ZNF844: variants seen among roughly 807,000 people sequenced by gnomAD.
ZNF844 encodes zinc finger protein 844.
ZNF844 carries 11 observed loss-of-function variants against 11.4 expected under a neutral mutation model. The observed-to-expected ratio is 0.97, with a 90% CI of 0.61 to 1.60. The LOEUF is 1.60. Ranked by LOEUF, ZNF844 falls within the 40% of genes most tolerant of loss-of-function variation. The pLI, the probability that ZNF844 is intolerant of heterozygous loss-of-function variation, is 0.00. For missense variants in ZNF844, 790 were observed against 796.8 expected, an observed-to-expected ratio of 0.99 and a Z score of 0.10; for synonymous variants, 248 against 260.3, an observed-to-expected ratio of 0.95 and a Z score of 0.46.
At chr19:12,068,255 G>T (rs1387560694) in intron 1 of ZNF844, among the ~76,000 whole-genome samples, 3 of 152,096 alleles carry the variant, frequency 2.0e-5, no homozygotes, top group African/African-American at 7.2e-5. Flanking sequence ...GCTGCAGTGA[G>T]GCATGATCAT....
intron 3 of ZNF844, 113 bp from the exon 4 acceptor site, chr19:12,075,199 A>G (rs1469205981): frequency 1.3e-6 from 1 of 760,744 alleles, no homozygotes; most frequent in Non-Finnish European, 1.7e-6. Context: ...AACTTAAAGT[A>G]TATTAATAAT....
rs181157360 is a variant in ZNF844, at chr19:12,077,015, C to A, written c.1895C>A (p.Thr632Lys). The change falls in exon 4 of 4, where the codon ACA becomes AAA. Residue 632 changes from threonine (T) to lysine (K), a missense_variant. Coordinates refer to ENST00000439326, the MANE Select transcript of ZNF844 (RefSeq NM_001136501.3). ...ATTATTTTTCTTCTTTGCGTATACACAAAAGGATGCACACTGGAGAGAAAC... is the reference window on the plus strand; with the variant it reads ...ATTATTTTTCTTCTTTGCGTATACAAAAAAGGATGCACACTGGAGAGAAAC... ...RSIIFLLCVYTKGCTLERNHI... is the reference protein window; with the variant it reads ...RSIIFLLCVYKKGCTLERNHI... The A allele has an allele frequency of 5.0e-6, 8 of 1,594,484 alleles. 1 individual carries two copies. In the East Asian group the frequency reaches 1.8e-4, roughly 37 times the overall value.
At position 12,075,300 on chromosome 19, in the gene ZNF844, C is replaced by G. The variant is rs569533517; in HGVS notation, c.192-12C>G. ...AACAAACCTTCAATAATGTGTTTCTCATTTTTCACAGAAGTCTTCTGGGAG... is the reference window on the plus strand; with the variant it reads ...AACAAACCTTCAATAATGTGTTTCTGATTTTTCACAGAAGTCTTCTGGGAG... On this transcript the variant is annotated splice_polypyrimidine_tract_variant and intron_variant, in intron 3 of 3. Transcript: ENST00000439326. 9.4e-6 allele frequency: 13 copies of G among 1,383,240 alleles called. No homozygotes were observed. Among genetic ancestry groups the G allele is most frequent in the African/African-American group, 8.8e-5 (6 of 68,150 alleles). 85.7% of individuals were successfully genotyped at this position (1,383,240 alleles called of 1,614,324 possible). A position where few individuals can be genotyped will look rare whatever the true frequency, so the allele number is the denominator to read the frequency against.
In ZNF844 at chr19:12,069,178, C is replaced by CGTTTTTTTTTTTTTTTTTTTT. The variant is rs760998604; in HGVS notation, c.3+4302_3+4303insGTTTTTTTTTTTTTTTTTTTT. 7.3e-5 allele frequency among the ~76,000 whole-genome samples: 10 copies of CGTTTTTTTTTTTTTTTTTTTT among 137,478 alleles called. 2 individuals are homozygous for CGTTTTTTTTTTTTTTTTTTTT. Among genetic ancestry groups the CGTTTTTTTTTTTTTTTTTTTT allele is most frequent in the African/African-American group, 1.5e-4 (5 of 33,358 alleles). The allele number at this position is 137,478 out of a possible 152,430, so 90.2% of individuals were successfully genotyped here. A position where few individuals can be genotyped will look rare whatever the true frequency, so the allele number is the denominator to read the frequency against. ...TGACTTTTCTTTTTATTCTTTTATT[C>CGTTTTTTTTTTTTTTTTTTTT]CTTTTTTTTTTTTTTTTTTTTTGAG... On this transcript the variant is annotated intron_variant, in intron 1 of 3. Transcript: ENST00000439326.
Position 12,075,808 on chromosome 19 carries a change from T to C in ZNF844, c.688T>C (p.Cys230Arg), listed in dbSNP as rs148745216. ...TGEKPYKCKQ[C>R]GKAFSYSTSL... Reference sequence around the variant, plus strand: ...AGAGAAACCATATAAATGTAAACAATGTGGTAAAGCCTTTAGTTATTCAAC... The same window carrying C: ...AGAGAAACCATATAAATGTAAACAACGTGGTAAAGCCTTTAGTTATTCAAC... Residue 230 changes from cysteine (C) to arginine (R), a missense_variant, in exon 4 of 4, where the codon TGT becomes CGT. This residue lies in a region of ZNF844 where 657 missense variants were observed against 636.2 expected (regional missense o/e 1.03). Coordinates refer to ENST00000439326, the MANE Select transcript of ZNF844 (RefSeq NM_001136501.3). 9.3e-6 allele frequency: 15 copies of C among 1,611,746 alleles called. No individual in the cohort carries two copies. Among genetic ancestry groups the C allele is most frequent in the Middle Eastern group, 1.7e-4 (1 of 6,054 alleles).
Position 12,081,559 on chromosome 19 carries a change from A to G in ZNF844, c.*4438A>G, listed in dbSNP as rs532289421. ...GCTATATTAAAATATGTATTAGATC[A>G]AGTTCATAATGTTGCCAAGTTATTG... On this transcript the variant is annotated 3_prime_UTR_variant, in exon 4 of 4. Coordinates refer to ENST00000439326, the MANE Select transcript of ZNF844 (RefSeq NM_001136501.3). The G allele has an allele frequency of 1.2e-4, 18 of 152,348 alleles. No individual in the cohort carries two copies. The highest frequency in any genetic ancestry group is 4.3e-4 in the African/African-American group (18 of 41,584). 9.4% of individuals were successfully genotyped at this position (152,348 alleles called of 1,614,324 possible). A position where few individuals can be genotyped will look rare whatever the true frequency, so the allele number is the denominator to read the frequency against.
At chr19:12,066,543 T>G (rs865800604) in intron 1 of ZNF844, among the ~76,000 whole-genome samples, 69 of 144,246 alleles carry the variant, frequency 4.8e-4, no homozygotes, top group African/African-American at 1.8e-3. Context: ...TTTTTTTTTT[T>G]TTTTTTTTTT....
chr19:12,080,256 A>G lies in ZNF844; in HGVS notation c.*3135A>G, dbSNP rs111591836. On this transcript the variant is annotated 3_prime_UTR_variant, in exon 4 of 4. Coordinates refer to ENST00000439326, the MANE Select transcript of ZNF844 (RefSeq NM_001136501.3). ...TCCCAGCTACTCGGGAGGCTGAAGC[A>G]GGAGAATGGCGTGAATCCAGGAGGC... 0.1 allele frequency: 22,050 copies of G among 214,480 alleles called. 1,695 individuals are homozygous for G. The highest frequency in any genetic ancestry group is 0.25 in the African/African-American group (10,215 of 41,522). The allele number at this position is 214,480 out of a possible 1,614,324, so 13.3% of individuals were successfully genotyped here.
In ZNF844 at chr19:12,076,924, G is replaced by C. The variant is rs774862176; in HGVS notation, c.1804G>C (p.Glu602Gln). The C allele has an allele frequency of 6.3e-7, 1 of 1,595,398 alleles. No homozygotes were observed. Among genetic ancestry groups the C allele is most frequent in the Non-Finnish European group, 8.5e-7 (1 of 1,170,940 alleles). Residue 602 changes from glutamate (E) to glutamine (Q), a missense_variant, in exon 4 of 4, where the codon GAG becomes CAG. Physicochemically the swap from Glu to Gln is conservative, Grantham distance 29. Around this residue, in one of 3 missense-constraint regions of ZNF844, gnomAD observed 657 missense variants for 636.2 expected, o/e 1.03. Transcript: ENST00000439326. ...TKHSYLPRSF[E>Q]YMQEHTLERN... ...GCATTCATATCTGCCAAGATCCTTC[G>C]AGTACATGCAAGAACACACCCTGGA...
At chr19:12,070,115 AGACAAAAATAAAAATAAGCGT>A (rs1975738517) in intron 1 of ZNF844, 1 of 150,492 alleles carries the variant, frequency 6.6e-6, no homozygotes, top group African/African-American at 2.4e-5. Context: ...AAAAAAAAAA[AGACAAAAATAAAAATAAGCGT>A]AAAAAAAAAA....
Position 12,075,336 on chromosome 19 carries a change from TGAAAATACAGAA to T in ZNF844, c.223_234del (p.Thr75_Asn78del). On this transcript the variant is annotated inframe_deletion, in exon 4 of 4. Transcript: ENST00000439326. Reference sequence around the variant, plus strand: ...GAAGTCTTCTGGGAGAGAGAGTTGATGAAAATACAGAAGAAAATCATTGTGGAGAAACTTCTA... The same window carrying T: ...GAAGTCTTCTGGGAGAGAGAGTTGATGAAAATCATTGTGGAGAAACTTCTA... 1 of 1,475,906 alleles carries T rather than the reference TGAAAATACAGAA, an allele frequency of 6.8e-7. No individual in the cohort carries two copies. Among genetic ancestry groups the T allele is most frequent in the Non-Finnish European group, 9.0e-7 (1 of 1,112,454 alleles). 91.4% of individuals were successfully genotyped at this position (1,475,906 alleles called of 1,614,324 possible). A position where few individuals can be genotyped will look rare whatever the true frequency, so the allele number is the denominator to read the frequency against.
At chr19:12,068,688 T>C (rs1171733313) in intron 1 of ZNF844, among the ~76,000 whole-genome samples, 2 of 152,206 alleles carry the variant, frequency 1.3e-5, no homozygotes, top group East Asian at 1.9e-4. Context: ...GTTGGAATTA[T>C]TGACTTCCAC....
rs775340949 is a variant in ZNF844, at chr19:12,076,421, C to A, written c.1301C>A (p.Pro434His). The A allele has an allele frequency of 5.0e-6, 8 of 1,610,152 alleles. No individual in the cohort carries two copies. The East Asian group carries it at 1.6e-4, about 31-fold the overall frequency. Residue 434 changes from proline (P) to histidine (H), a missense_variant, in exon 4 of 4, where the codon CCT becomes CAT. Pro to His is a moderately conservative substitution (Grantham distance 77, BLOSUM62 -2). Transcript: ENST00000439326. ...SVVKPSFLPL[P>H]FDIMKGLTLE... The stretch of plus-strand genomic sequence containing the variant: ...GTAAAGCCTTCATTTCTTCCACTTC[C>A]TTTCGATATCATGAAAGGACTCACA...
At position 12,077,301 on chromosome 19, in the gene ZNF844, T is replaced by A; in HGVS notation, c.*180T>A. 1 of 1,138,986 alleles carries A rather than the reference T, an allele frequency of 8.8e-7. No individual in the cohort carries two copies. The highest frequency in any genetic ancestry group is 2.4e-5 in the East Asian group (1 of 42,548). 70.6% of individuals were successfully genotyped at this position (1,138,986 alleles called of 1,614,324 possible). Reference sequence around the variant, plus strand: ...TCACACTGGAGAGAAACCCTATGAGTGTAAGCAATGTGGAAAAGCCTTTAT... The same window carrying A: ...TCACACTGGAGAGAAACCCTATGAGAGTAAGCAATGTGGAAAAGCCTTTAT... On this transcript the variant is annotated 3_prime_UTR_variant, in exon 4 of 4. Coordinates refer to ENST00000439326, the MANE Select transcript of ZNF844 (RefSeq NM_001136501.3).
chr19:12,069,653 C>T (rs961785103), intron 1 of ZNF844, among the ~76,000 whole-genome samples: 13 of 150,458 alleles, frequency 8.6e-5, no homozygotes, highest in Non-Finnish European at 1.6e-4. Context: ...CAATTTCATT[C>T]GTTAATAATT....
In ZNF844 at chr19:12,073,575, GTTGTCTGC is replaced by G. The variant is rs558409268; in HGVS notation, c.4-454_4-447del. Reference sequence around the variant, plus strand: ...AATCCAGTTTTTTTTTTTTGCTTTTGTTGTCTGCTGCTTCAATCAGAATAAAATCCCCC... The same window carrying G: ...AATCCAGTTTTTTTTTTTTGCTTTTGTGCTTCAATCAGAATAAAATCCCCC... On this transcript the variant is annotated intron_variant, in intron 1 of 3. Transcript: ENST00000439326. Among the ~76,000 whole-genome samples the G allele has an allele frequency of 5.0e-3, 742 of 148,306 alleles. 10 individuals carry two copies. Among genetic ancestry groups the G allele is most frequent in the Admixed American group, 7.8e-3 (116 of 14,954 alleles).
At chr19:12,068,934 G>C (rs1030957827) in intron 1 of ZNF844, among the ~76,000 whole-genome samples, 1 of 152,046 alleles carries the variant, frequency 6.6e-6, no homozygotes, top group East Asian at 1.9e-4. Context: ...CTTGTTTCTT[G>C]CTGGGGAGCC....
rs1305903275 is a variant in ZNF844 at position 12,081,069 on chromosome 19, G to A, written c.*3948G>A. ...TGTGCCTGGCCTGGTGTTTCTTTAG[G>A]TATAATGTCTTTACCAGAGAGCTAA... is the stretch of plus-strand genomic sequence containing the variant. On this transcript the variant is annotated 3_prime_UTR_variant, in exon 4 of 4. Coordinates refer to ENST00000439326, the MANE Select transcript of ZNF844 (RefSeq NM_001136501.3). 1 of 152,074 alleles carries A rather than the reference G, an allele frequency of 6.6e-6. No homozygotes were observed. Among genetic ancestry groups the A allele is most frequent in the African/African-American group, 2.4e-5 (1 of 41,372 alleles). The allele number at this position is 152,074 out of a possible 1,614,324, so 9.4% of individuals were successfully genotyped here.
At chr19:12,073,274 C>A (rs746037005) in intron 1 of ZNF844, among the ~76,000 whole-genome samples, 1 of 152,084 alleles carries the variant, frequency 6.6e-6, no homozygotes, top group Non-Finnish European at 1.5e-5. Flanking sequence ...ATTCTCCTGC[C>A]TCAGCCTCCC....
Sources: gnomAD v4.1 joint callset for allele counts (sites outside exome capture counted in the v4.1 genomes callset) on GRCh38, gnomAD v4.1.1 for gene constraint, gnomAD v4.1.1 regional missense constraint, MANE v1.5 for transcripts, NCBI Gene and HGNC (gene_info 2026-07-23, HGNC 2026-07-21) for gene names.